Variants in INPP4B observed in about 807,000 individuals in gnomAD.
INPP4B encodes the protein inositol polyphosphate-4-phosphatase type II B.
Under a neutral mutation model 122.5 loss-of-function variants are expected in INPP4B, and 55 were observed. The observed-to-expected ratio is 0.45, with a 90% confidence interval of 0.36 to 0.56. The LOEUF (loss-of-function observed/expected upper bound fraction) is 0.56, where lower values mean the gene tolerates loss of function less well. Ranked by LOEUF, INPP4B falls within the 20% of genes least tolerant of loss-of-function variation. The probability of loss-of-function intolerance (pLI) is 0.00; values close to 1 mark genes in which losing one functional copy is unlikely to be tolerated. For missense variants in INPP4B, 1,000 were observed against 1,097.7 expected (o/e 0.91, Z 1.26); for synonymous variants, 403 against 388.7 (o/e 1.04, Z -0.43).
At chr4:142,796,868 A>ATGTGTG (rs34860975) in intron 1 of INPP4B, among the ~76,000 whole-genome samples, 1,278 of 105,352 alleles carry the variant, frequency 0.012, 17 homozygotes, top group African/African-American at 0.031. Flanking sequence ...CGGAAAACAG[A>ATGTGTG]TGTGTGTGTG....
intron 16 of INPP4B, among the ~76,000 whole-genome samples, chr4:142,172,562 T>G (rs1826118824): frequency 6.6e-6 from 1 of 151,972 alleles, no homozygotes; most frequent in Non-Finnish European, 1.5e-5. Flanking sequence ...TTTAATTTAT[T>G]AGACAATTCA....
At chr4:142,805,990 G>GA (rs1778627161) in intron 1 of INPP4B, among the ~76,000 whole-genome samples, 1 of 151,982 alleles carries the variant, frequency 6.6e-6, no homozygotes, top group African/African-American at 2.4e-5. Flanking sequence ...AAAAATAGAG[G>GA]AAAAAAGAGG....
At chr4:142,126,659 G>A (rs1284657680) in intron 18 of INPP4B, among the ~76,000 whole-genome samples, 3 of 152,008 alleles carry the variant, frequency 2.0e-5, no homozygotes, top group Admixed American at 2.0e-4. Context: ...ATTTAATATT[G>A]GACAAACTTA....
chr4:142,351,257 G>T (rs1206046343), intron 7 of INPP4B, among the ~76,000 whole-genome samples: 1 of 151,930 alleles, frequency 6.6e-6, no homozygotes, highest in African/African-American at 2.4e-5. Context: ...CAAGATCTAA[G>T]TTTTAATAAC....
chr4:142,601,973 A>G (rs1234024621), intron 2 of INPP4B, among the ~76,000 whole-genome samples: 1 of 106,570 alleles, frequency 9.4e-6, no homozygotes, highest in African/African-American at 3.5e-5. Context: ...CATCTCAAAA[A>G]AAAAAAAAAA....
Position 142,450,901 on chromosome 4 carries a change from A to G in INPP4B, c.-127+11762T>C, listed in dbSNP as rs546529003. 2.0e-5 allele frequency among the ~76,000 whole-genome samples: 3 copies of G among 151,416 alleles called. No homozygotes were observed. In the East Asian group the frequency reaches 5.8e-4, roughly 29 times the overall value. On this transcript the variant is annotated intron_variant, in intron 3 of 25. Coordinates refer to ENST00000262992, the MANE Select transcript of INPP4B (RefSeq NM_001101669.3). ...AATTAGGGCAGAGGGATAGAAAAAA[A>G]GGAGGAGGACTAGAAGACATGTATC... is the stretch of plus-strand genomic sequence containing the variant.
At chr4:142,623,016 C>G (rs1745314852) in intron 2 of INPP4B, among the ~76,000 whole-genome samples, 1 of 151,950 alleles carries the variant, frequency 6.6e-6, no homozygotes, top group South Asian at 2.1e-4. Context: ...CTATAGCCTC[C>G]TAAATATCCT....
At chr4:142,545,325 T>C (rs1829418996) in intron 2 of INPP4B, among the ~76,000 whole-genome samples, 1 of 152,156 alleles carries the variant, frequency 6.6e-6, no homozygotes, top group Non-Finnish European at 1.5e-5. Flanking sequence ...AGAATTTTCA[T>C]AATGCTGCAA....
intron 2 of INPP4B, among the ~76,000 whole-genome samples, chr4:142,468,727 G>A (rs1818280296): frequency 6.6e-6 from 1 of 152,096 alleles, no homozygotes; most frequent in African/African-American, 2.4e-5. Context: ...AATAGAAGTA[G>A]CCTGAAGCCC....
chr4:142,320,151 C>G (rs1253271002), intron 7 of INPP4B, among the ~76,000 whole-genome samples: 1 of 152,196 alleles, frequency 6.6e-6, no homozygotes, highest in Non-Finnish European at 1.5e-5. Context: ...TGCCATGCTC[C>G]CTCCTCCATT....
intron 23 of INPP4B, among the ~76,000 whole-genome samples, chr4:142,104,755 A>G (rs1786152130): frequency 6.6e-6 from 1 of 152,308 alleles, no homozygotes; most frequent in Admixed American, 6.5e-5. Flanking sequence ...ATATAAAATG[A>G]CACAGTGTTT....
chr4:142,230,541 G>C (rs1038134120), intron 12 of INPP4B, among the ~76,000 whole-genome samples: 7 of 150,522 alleles, frequency 4.7e-5, no homozygotes, highest in African/African-American at 1.7e-4. Flanking sequence ...GCTACTTGGA[G>C]GTTGAGGTAG....
chr4:142,093,582 A>G (rs1222209990), intron 23 of INPP4B, among the ~76,000 whole-genome samples: 1 of 152,190 alleles, frequency 6.6e-6, no homozygotes, highest in African/African-American at 2.4e-5. Context: ...TCTACAATTA[A>G]TTCTAAAATA....
At position 142,471,011 on chromosome 4, in the gene INPP4B, A is replaced by C. The variant is rs1818714426; in HGVS notation, c.-190-8285T>G. Among the ~76,000 whole-genome samples, 3 of 152,202 alleles carry C rather than the reference A, an allele frequency of 2.0e-5. No individual in the cohort carries two copies. In the South Asian group the frequency reaches 6.2e-4, roughly 31 times the overall value. On this transcript the variant is annotated intron_variant, in intron 2 of 25. Coordinates refer to ENST00000262992, the MANE Select transcript of INPP4B (RefSeq NM_001101669.3). ...TAAAATGGCTTATACCAAAATGTTAAATGTAAAAAGCTGTATTTAAAAGTT... is the reference window on the plus strand; with the variant it reads ...TAAAATGGCTTATACCAAAATGTTACATGTAAAAAGCTGTATTTAAAAGTT...
chr4:142,717,907 C>CAA (rs33932611), intron 2 of INPP4B, among the ~76,000 whole-genome samples: 26 of 58,534 alleles, frequency 4.4e-4, no homozygotes, highest in African/African-American at 1.1e-3. Flanking sequence ...AAAAAGAAAG[C>CAA]AAAAAAAAAA....
intron 2 of INPP4B, among the ~76,000 whole-genome samples, chr4:142,613,926 C>T (rs963789299): frequency 5.9e-5 from 9 of 152,198 alleles, no homozygotes; most frequent in Non-Finnish European, 1.3e-4. Flanking sequence ...AAGAGCCAAA[C>T]TTCCACTGCA....
chr4:142,360,247 A>G (rs1039922102), intron 7 of INPP4B, among the ~76,000 whole-genome samples: 3 of 151,980 alleles, frequency 2.0e-5, no homozygotes, highest in Admixed American at 2.0e-4. Context: ...AGAGACTGCT[A>G]TCTATAAGGG....
At chr4:142,806,152 G>A (rs1778668572) in intron 1 of INPP4B, among the ~76,000 whole-genome samples, 2 of 151,636 alleles carry the variant, frequency 1.3e-5, no homozygotes, top group Non-Finnish European at 2.9e-5. Flanking sequence ...GGTGGCGGGC[G>A]CCTGTAGTCC....
At chr4:142,441,390 A>G (rs1157181336) in intron 3 of INPP4B, among the ~76,000 whole-genome samples, 7 of 152,204 alleles carry the variant, frequency 4.6e-5, no homozygotes, top group African/African-American at 1.4e-4. Flanking sequence ...AAAGAGAAAG[A>G]TCATGCTACC....
Sources: allele counts gnomAD v4.1 joint callset (sites outside exome capture counted in the v4.1 genomes callset), GRCh38; gene constraint gnomAD v4.1.1; transcripts MANE v1.5; gene names NCBI Gene and HGNC (gene_info 2026-07-23, HGNC 2026-07-21).